The following TRIM33 variants were observed in gnomAD, a reference collection of about 807,000 sequenced individuals.
TRIM33 encodes E3 ubiquitin-protein ligase TRIM33.
A neutral mutation model predicts 125.4 loss-of-function variants in TRIM33; 20 were observed. The ratio of observed to expected loss-of-function variants is 0.16; its 90% CI spans 0.11 to 0.23. The LOEUF is 0.23. Among genes scored for constraint, TRIM33 ranks in the 10% least tolerant of loss-of-function variants. TRIM33 has a pLI of 1.00. For synonymous variants in TRIM33, 564 were observed against 513.9 expected (o/e 1.10, Z -1.32); for missense variants, 920 against 1,411.4 (o/e 0.65, Z 5.58).
intron 1 of TRIM33, among the ~76,000 whole-genome samples, chr1:114,500,826 G>C (rs1209044834): frequency 6.6e-6 from 1 of 151,764 alleles, no homozygotes; most frequent in Non-Finnish European, 1.5e-5. Flanking sequence ...GTTATCTATT[G>C]CTATGTAACA....
intron 4 of TRIM33, among the ~76,000 whole-genome samples, chr1:114,435,542 A>C (rs1190368931): frequency 1.3e-5 from 2 of 152,200 alleles, no homozygotes; most frequent in Non-Finnish European, 2.9e-5. Context: ...AAAGACTATG[A>C]AATTGTTAAC....
intron 14 of TRIM33, 27 bp downstream of exon 14, chr1:114,406,914 C>T: frequency 6.2e-7 from 1 of 1,608,960 alleles, no homozygotes; most frequent in Non-Finnish European, 8.5e-7. Context: ...GTCCTTAAGT[C>T]CCTGTCAGAC....
chr1:114,453,395 AC>A (rs1480130438), intron 4 of TRIM33, among the ~76,000 whole-genome samples: 1 of 151,816 alleles, frequency 6.6e-6, no homozygotes, highest in Admixed American at 6.6e-5. Context: ...AAAGAGGTGA[AC>A]TCGTTTTAAG....
chr1:114,397,954 CTT>C lies in TRIM33; in HGVS notation c.3155_3156del (p.Gln1052ArgfsTer3), dbSNP rs771490153. ...GAAAAGCTTACCTTCAAATTAATCT[CTT>C]GTGTGTCTGCATAAACTTGAACAAC... ...MKVVQVYADT[Q>X]EINLKADSEV... On this transcript the variant is annotated frameshift_variant, in exon 19 of 20. Coordinates refer to ENST00000358465, the MANE Select transcript of TRIM33 (RefSeq NM_015906.4). LOFTEE classifies it high-confidence loss of function. 1.2e-6 allele frequency: 2 copies of C among 1,613,610 alleles called. No individual in the cohort carries two copies. Among genetic ancestry groups the C allele is most frequent in the African/African-American group, 1.3e-5 (1 of 74,918 alleles).
At chr1:114,472,641 G>C (rs1650719656) in intron 1 of TRIM33, among the ~76,000 whole-genome samples, 1 of 151,872 alleles carries the variant, frequency 6.6e-6, no homozygotes, top group South Asian at 2.1e-4. Flanking sequence ...GAGGTGGGAG[G>C]ATCACCTGAG....
intron 6 of TRIM33, among the ~76,000 whole-genome samples, chr1:114,430,304 A>G (rs1171696910): frequency 6.6e-6 from 1 of 151,962 alleles, no homozygotes; most frequent in Non-Finnish European, 1.5e-5. Flanking sequence ...GGAGTGCAGG[A>G]CACAATCACA....
At chr1:114,468,151 C>T (rs1461002209) in intron 1 of TRIM33, among the ~76,000 whole-genome samples, 1 of 152,206 alleles carries the variant, frequency 6.6e-6, no homozygotes, top group Admixed American at 6.5e-5. Flanking sequence ...CTCCACCATG[C>T]ACCTATCTCT....
intron 11 of TRIM33, among the ~76,000 whole-genome samples, chr1:114,414,576 T>C (rs1652810256): frequency 6.6e-6 from 1 of 152,218 alleles, no homozygotes; most frequent in Non-Finnish European, 1.5e-5. Flanking sequence ...GCTTTAACAA[T>C]CCACTAAGTT....
At chr1:114,479,469 T>C (rs1337631172) in intron 1 of TRIM33, among the ~76,000 whole-genome samples, 1 of 152,152 alleles carries the variant, frequency 6.6e-6, no homozygotes, top group Non-Finnish European at 1.5e-5. Context: ...AGCAATAAAA[T>C]GACATATTCA....
At chr1:114,488,542 C>T (rs1180886728) in intron 1 of TRIM33, among the ~76,000 whole-genome samples, 1 of 152,002 alleles carries the variant, frequency 6.6e-6, no homozygotes, top group Non-Finnish European at 1.5e-5. Flanking sequence ...GGCGGGAGGA[C>T]CGCTTCAGCC....
intron 1 of TRIM33, among the ~76,000 whole-genome samples, chr1:114,502,243 A>G (rs1314475594): frequency 6.6e-6 from 1 of 152,190 alleles, no homozygotes; most frequent in African/African-American, 2.4e-5. Flanking sequence ...CTATCTTATG[A>G]TCTGACATTC....
intron 1 of TRIM33, among the ~76,000 whole-genome samples, chr1:114,494,569 G>A (rs149568752): frequency 7.1e-4 from 108 of 152,272 alleles, no homozygotes; most frequent in African/African-American, 2.5e-3. Context: ...AAAGAGTCAT[G>A]ATTGGAATAT....
At position 114,394,383 on chromosome 1, in the gene TRIM33, T is replaced by C. The variant is rs779039630; in HGVS notation, c.*3265A>G. 1.3e-5 allele frequency: 3 copies of C among 223,782 alleles called. No individual in the cohort carries two copies. Among genetic ancestry groups the C allele is most frequent in the African/African-American group, 2.2e-5 (1 of 44,826 alleles). The allele number at this position is 223,782 out of a possible 1,614,324, so 13.9% of individuals were successfully genotyped here. A position where few individuals can be genotyped will look rare whatever the true frequency, so the allele number is the denominator to read the frequency against. Reference sequence around the variant, plus strand: ...TACAGTAGGCCACAATCCAAGGGCATAGTTGGAAGACCTGAATCTATTATC... The same window carrying C: ...TACAGTAGGCCACAATCCAAGGGCACAGTTGGAAGACCTGAATCTATTATC... On this transcript the variant is annotated 3_prime_UTR_variant, in exon 20 of 20. Coordinates refer to ENST00000358465, the MANE Select transcript of TRIM33 (RefSeq NM_015906.4).
chr1:114,425,310 G>A (rs568577024), intron 9 of TRIM33, 139 bp downstream of exon 9: 2 of 1,156,260 alleles, frequency 1.7e-6, no homozygotes, highest in African/African-American at 1.5e-5. Context: ...CATAACCATA[G>A]CAAATATTTA....
At chr1:114,502,704 A>G (rs532830440) in intron 1 of TRIM33, among the ~76,000 whole-genome samples, 1 of 152,052 alleles carries the variant, frequency 6.6e-6, no homozygotes, top group East Asian at 1.9e-4. Flanking sequence ...TCGGAGTCTC[A>G]CTATATTCCC....
chr1:114,436,193 G>A lies in TRIM33; in HGVS notation c.924-2460C>T, dbSNP rs1022563626. Among the ~76,000 whole-genome samples the A allele has an allele frequency of 1.4e-4, 21 of 151,678 alleles. No homozygotes were observed. The East Asian group carries it at 3.2e-3, about 23-fold the overall frequency. On this transcript the variant is annotated intron_variant, in intron 4 of 19. Coordinates refer to ENST00000358465, the MANE Select transcript of TRIM33 (RefSeq NM_015906.4). ...CGAGGCAGGTGGATAACGAGGTCAG[G>A]AGATCGAGACCATCCTGGACAACAT... is the stretch of plus-strand genomic sequence containing the variant.
At position 114,397,054 on chromosome 1, in the gene TRIM33, T is replaced by C. The variant is rs1022072593; in HGVS notation, c.*594A>G. 11 of 220,752 alleles carry C rather than the reference T, an allele frequency of 5.0e-5. No individual in the cohort carries two copies. The highest frequency in any genetic ancestry group is 1.0e-4 in the Non-Finnish European group (11 of 110,364). The allele number at this position is 220,752 out of a possible 1,614,324, so 13.7% of individuals were successfully genotyped here. A position where few individuals can be genotyped will look rare whatever the true frequency, so the allele number is the denominator to read the frequency against. On this transcript the variant is annotated 3_prime_UTR_variant, in exon 20 of 20. Coordinates refer to ENST00000358465, the MANE Select transcript of TRIM33 (RefSeq NM_015906.4). ...TAAGTATGAGTAGAAAATAAAACCA[T>C]TGCTGAGTTCTTTATATCAATTTAA... is the stretch of plus-strand genomic sequence containing the variant.
At position 114,394,700 on chromosome 1, in the gene TRIM33, G is replaced by A. The variant is rs1289138215; in HGVS notation, c.*2948C>T. On this transcript the variant is annotated 3_prime_UTR_variant, in exon 20 of 20. Coordinates refer to ENST00000358465, the MANE Select transcript of TRIM33 (RefSeq NM_015906.4). ...CATTTCTCTGTAGTAATGGTTTGAT[G>A]TTTCCATATAGAGCACGACCTACAA... 9.9e-6 allele frequency: 2 copies of A among 201,242 alleles called. No homozygotes were observed. Among genetic ancestry groups the A allele is most frequent in the Non-Finnish European group, 2.0e-5 (2 of 97,658 alleles). 12.5% of individuals were successfully genotyped at this position (201,242 alleles called of 1,614,324 possible).
At chr1:114,460,819 T>C (rs905787772) in intron 4 of TRIM33, among the ~76,000 whole-genome samples, 1 of 152,176 alleles carries the variant, frequency 6.6e-6, no homozygotes, top group Non-Finnish European at 1.5e-5. Context: ...CTCAGTTCAC[T>C]GAAACACTTG....
Sources: gnomAD v4.1 joint callset for allele counts (sites outside exome capture counted in the v4.1 genomes callset) on GRCh38, gnomAD v4.1.1 for gene constraint, MANE v1.5 for transcripts, NCBI Gene and HGNC (gene_info 2026-07-23, HGNC 2026-07-21) for gene names.